The following XYLT1 variants were observed in gnomAD, a reference collection of about 807,000 sequenced individuals.
XYLT1 encodes xylosyltransferase 1, also known as beta-D-xylosyltransferase 1.
XYLT1 carries 36 observed loss-of-function variants against 91.3 expected under a neutral mutation model. The observed-to-expected ratio is 0.39, with a 90% CI of 0.30 to 0.52. The LOEUF is 0.52. Ranked by LOEUF, XYLT1 falls within the 20% of genes least tolerant of loss-of-function variation. The probability of loss-of-function intolerance (pLI) is 0.68; values close to 1 mark genes in which losing one functional copy is unlikely to be tolerated. For missense variants in XYLT1, 1,242 were observed against 1,284.5 expected (o/e 0.97, Z 0.51); for synonymous variants, 588 against 532.0 (o/e 1.11, Z -1.45).
chr16:17,293,838 G>C (rs947828193), intron 2 of XYLT1, among the ~76,000 whole-genome samples: 4 of 152,164 alleles, frequency 2.6e-5, no homozygotes, highest in Non-Finnish European at 5.9e-5. Flanking sequence ...TTACTGTTCA[G>C]AAAGGTCATT....
intron 2 of XYLT1, among the ~76,000 whole-genome samples, chr16:17,342,787 TTC>T (rs964116701): frequency 1.4e-4 from 21 of 152,178 alleles, no homozygotes; most frequent in African/African-American, 4.8e-4. Flanking sequence ...GAGTAAGAAT[TTC>T]TGTCATGTTG....
At chr16:17,221,989 C>T (rs1466119163) in intron 3 of XYLT1, among the ~76,000 whole-genome samples, 1 of 152,174 alleles carries the variant, frequency 6.6e-6, no homozygotes, top group African/African-American at 2.4e-5. Flanking sequence ...TTCAACTACA[C>T]AATCCCACTC....
intron 1 of XYLT1, among the ~76,000 whole-genome samples, chr16:17,426,288 G>A (rs183737832): frequency 2.0e-5 from 3 of 152,210 alleles, no homozygotes; most frequent in Admixed American, 2.0e-4. Flanking sequence ...GGCCGGGCAC[G>A]GTGGCTCATA....
chr16:17,271,671 T>A (rs1040665215), intron 2 of XYLT1, among the ~76,000 whole-genome samples: 1 of 152,196 alleles, frequency 6.6e-6, no homozygotes, highest in African/African-American at 2.4e-5. Context: ...ACCCCAGTCA[T>A]GTGCCCTTGT....
intron 1 of XYLT1, among the ~76,000 whole-genome samples, chr16:17,433,623 C>G (rs1025647937): frequency 2.0e-5 from 3 of 152,160 alleles, no homozygotes; most frequent in African/African-American, 7.2e-5. Flanking sequence ...CAGCCATGAC[C>G]CTGGTCATCT....
intron 2 of XYLT1, among the ~76,000 whole-genome samples, chr16:17,297,937 C>T (rs754677283): frequency 1.3e-5 from 2 of 151,678 alleles, no homozygotes; most frequent in Non-Finnish European, 2.9e-5. Flanking sequence ...AGGAGAATGG[C>T]GTGAACCCGG....
intron 9 of XYLT1, among the ~76,000 whole-genome samples, chr16:17,129,387 G>C (rs1171961956): frequency 6.6e-6 from 1 of 152,116 alleles, no homozygotes; most frequent in East Asian, 1.9e-4. Context: ...TCAGCCTCCT[G>C]AGTAGCTGGG....
At chr16:17,452,060 C>T (rs987138329) in intron 1 of XYLT1, among the ~76,000 whole-genome samples, 3 of 152,184 alleles carry the variant, frequency 2.0e-5, no homozygotes, top group African/African-American at 7.2e-5. Context: ...CCTCCTGCTA[C>T]TGACAGGTTC....
intron 4 of XYLT1, among the ~76,000 whole-genome samples, chr16:17,199,724 G>C (rs978835170): frequency 3.9e-5 from 6 of 152,176 alleles, no homozygotes; most frequent in Non-Finnish European, 8.8e-5. Flanking sequence ...CGCCATGTAA[G>C]ACTTGCTTTT....
intron 1 of XYLT1, among the ~76,000 whole-genome samples, chr16:17,413,340 G>C (rs901465766): frequency 6.6e-6 from 1 of 152,154 alleles, no homozygotes; most frequent in African/African-American, 2.4e-5. Context: ...AGCAAGGAAG[G>C]GGGTGTTCTG....
chr16:17,216,079 C>T (rs2032853296), intron 3 of XYLT1, among the ~76,000 whole-genome samples: 1 of 152,154 alleles, frequency 6.6e-6, no homozygotes, highest in Non-Finnish European at 1.5e-5. Flanking sequence ...GTCCAGAAAG[C>T]CTGCTCTATC....
At chr16:17,384,772 G>C (rs930506281) in intron 1 of XYLT1, among the ~76,000 whole-genome samples, 1 of 151,870 alleles carries the variant, frequency 6.6e-6, no homozygotes, top group African/African-American at 2.4e-5. Flanking sequence ...TAAAAGCAGG[G>C]AGCAGCTCCG....
At chr16:17,171,621 C>T (rs941159935) in intron 5 of XYLT1, among the ~76,000 whole-genome samples, 1 of 152,184 alleles carries the variant, frequency 6.6e-6, no homozygotes, top group African/African-American at 2.4e-5. Flanking sequence ...AGGACACAGG[C>T]CTTGAAGTAA....
chr16:17,372,632 TTATCCG>T (rs1185585949), intron 1 of XYLT1, among the ~76,000 whole-genome samples: 1 of 152,212 alleles, frequency 6.6e-6, no homozygotes, highest in African/African-American at 2.4e-5. Context: ...TTGCATTCAA[TTATCCG>T]TTTCCATTCA....
chr16:17,312,025 G>A lies in XYLT1; in HGVS notation c.402+45987C>T, dbSNP rs145718338. On this transcript the variant is annotated intron_variant, in intron 2 of 11. Transcript: ENST00000261381. The surrounding 1 kb of genome is among the most constrained non-coding windows in gnomAD (Gnocchi z 4.4). ...ACAATTCAAGATGAGATTTGGGTGG[G>A]GACACAACCAAACCATATCAATGGG... Among the ~76,000 whole-genome samples the A allele has an allele frequency of 2.3e-3, 351 of 152,164 alleles. 2 individuals are homozygous for A. The highest frequency in any genetic ancestry group is 8.0e-3 in the African/African-American group (334 of 41,526).
At chr16:17,374,041 G>A (rs1449835447) in intron 1 of XYLT1, among the ~76,000 whole-genome samples, 1 of 152,186 alleles carries the variant, frequency 6.6e-6, no homozygotes, top group Non-Finnish European at 1.5e-5. Context: ...ACTTCATCCA[G>A]GAGAGAAGAT....
chr16:17,339,116 T>C (rs1471527565), intron 2 of XYLT1, among the ~76,000 whole-genome samples: 1 of 152,254 alleles, frequency 6.6e-6, no homozygotes, highest in African/African-American at 2.4e-5. Flanking sequence ...GTATATACCC[T>C]GTGATGAACA....
intron 1 of XYLT1, chr16:17,369,847 C>A (rs1003626736): frequency 1.3e-5 from 2 of 152,250 alleles, no homozygotes; most frequent in African/African-American, 4.8e-5. Flanking sequence ...TGCCTGTGAA[C>A]AGCCTGGCTG....
intron 1 of XYLT1, among the ~76,000 whole-genome samples, chr16:17,431,879 A>T (rs1028908644): frequency 6.6e-6 from 1 of 152,224 alleles, no homozygotes; most frequent in Admixed American, 6.5e-5. Context: ...GGAAGGGAGA[A>T]GCAGCCATGG....
Sources: gnomAD v4.1 joint callset for allele counts (sites outside exome capture counted in the v4.1 genomes callset) on GRCh38, gnomAD v4.1.1 for gene constraint, Gnocchi (gnomAD v3.1) non-coding constraint, MANE v1.5 for transcripts, NCBI Gene and HGNC (gene_info 2026-07-23, HGNC 2026-07-21) for gene names.